The following FGF7 variants were observed in gnomAD, a reference collection of about 807,000 sequenced individuals.
FGF7 encodes the protein FGF-7.
FGF7 carries 6 observed loss-of-function variants against 20.5 expected under a neutral mutation model. That is an observed-to-expected ratio of 0.29 (90% confidence interval 0.16 to 0.58). The LOEUF (loss-of-function observed/expected upper bound fraction) is 0.58, where lower values mean the gene tolerates loss of function less well. Ranked by LOEUF, FGF7 falls within the 20% of genes least tolerant of loss-of-function variation. FGF7 has a pLI of 0.90. For synonymous variants in FGF7, 64 were observed against 74.7 expected, an observed-to-expected ratio of 0.86 and a Z score of 0.74; for missense variants, 144 against 228.8, an observed-to-expected ratio of 0.63 and a Z score of 2.39.
chr15:49,424,039 A>T lies in FGF7; in HGVS notation c.-259A>T. The T allele has an allele frequency of 2.8e-6, 1 of 358,756 alleles. No homozygotes were observed. The highest frequency in any genetic ancestry group is 5.0e-6 in the Non-Finnish European group (1 of 198,416). 22.2% of individuals were successfully genotyped at this position (358,756 alleles called of 1,614,324 possible). A position where few individuals can be genotyped will look rare whatever the true frequency, so the allele number is the denominator to read the frequency against. ...ATCTCTCATTGCAAACAGAAGTCAAATAGCAAACAGCGTCACAGCAACTGA... is the reference window on the plus strand; with the variant it reads ...ATCTCTCATTGCAAACAGAAGTCAATTAGCAAACAGCGTCACAGCAACTGA... On this transcript the variant is annotated 5_prime_UTR_variant, in exon 2 of 4. Transcript: ENST00000267843.
In FGF7 at chr15:49,438,611, G is replaced by A. The variant is rs369572981; in HGVS notation, c.286+14028G>A. 1.2e-4 allele frequency among the ~76,000 whole-genome samples: 18 copies of A among 151,802 alleles called. 1 individual carries two copies. In the South Asian group the frequency reaches 3.5e-3, roughly 30 times the overall value. The stretch of plus-strand genomic sequence containing the variant: ...ATTGAGTTGATAAGAAAGTGAGAGG[G>A]AGCACGAGGACAAGGAAATAATACT... On this transcript the variant is annotated intron_variant, in intron 2 of 3. Coordinates refer to ENST00000267843, the MANE Select transcript of FGF7 (RefSeq NM_002009.4).
At chr15:49,457,770 G>T (rs903641474) in intron 2 of FGF7, among the ~76,000 whole-genome samples, 5 of 151,868 alleles carry the variant, frequency 3.3e-5, no homozygotes, top group African/African-American at 9.6e-5. Flanking sequence ...AAAATTAAAA[G>T]AATTGATTAA....
chr15:49,457,606 T>C (rs1344640632), intron 2 of FGF7, among the ~76,000 whole-genome samples: 1 of 151,942 alleles, frequency 6.6e-6, no homozygotes, highest in African/African-American at 2.4e-5. Context: ...AAAACTTGAG[T>C]ACAGACTTGA....
chr15:49,452,581 A>T (rs2151892087), intron 2 of FGF7, among the ~76,000 whole-genome samples: 1 of 152,326 alleles, frequency 6.6e-6, no homozygotes, highest in Middle Eastern at 3.4e-3. Context: ...TATTTAACTT[A>T]AGCAACTAAA....
Position 49,423,728 on chromosome 15 carries a change from A to G in FGF7, c.-267+288A>G, listed in dbSNP as rs143770842. ...GAGAAAGCAGTTACACTTTGTTAGC[A>G]GTAATTGTAAAAACTTAATTTAAAT... On this transcript the variant is annotated intron_variant, in intron 1 of 3. Transcript: ENST00000267843. 6.0e-3 allele frequency among the ~76,000 whole-genome samples: 915 copies of G among 152,314 alleles called. 8 individuals are homozygous for G. Among genetic ancestry groups the G allele is most frequent in the Middle Eastern group, 0.031 (9 of 294 alleles).
intron 2 of FGF7, among the ~76,000 whole-genome samples, chr15:49,457,815 A>G (rs2053449250): frequency 6.6e-6 from 1 of 151,992 alleles, no homozygotes; most frequent in Non-Finnish European, 1.5e-5. Context: ...TTTTATAGTC[A>G]TCAGTTAAAT....
intron 2 of FGF7, among the ~76,000 whole-genome samples, chr15:49,462,110 C>A (rs1276525753): frequency 6.6e-6 from 1 of 151,756 alleles, no homozygotes; most frequent in Admixed American, 6.6e-5. Context: ...CAGAGTGAGA[C>A]TCCATCTCAA....
intron 2 of FGF7, among the ~76,000 whole-genome samples, chr15:49,453,886 A>G (rs900984495): frequency 6.6e-6 from 1 of 152,146 alleles, no homozygotes; most frequent in South Asian, 2.1e-4. Context: ...GATATTACTC[A>G]GTTGACCAAA....
chr15:49,427,000 A>G (rs888042792), intron 2 of FGF7, among the ~76,000 whole-genome samples: 1 of 152,024 alleles, frequency 6.6e-6, no homozygotes, highest in Non-Finnish European at 1.5e-5. Context: ...AAAGAGGATA[A>G]GCCACTCTTT....
chr15:49,471,100 AC>A lies in FGF7; in HGVS notation c.287-12050del, dbSNP rs570763876. ...CTACAGCTTATTAGAAAAGATAAGT[AC>A]TTTTAAAGGGAGTAGAAAAACTAAT... is the stretch of plus-strand genomic sequence containing the variant. On this transcript the variant is annotated intron_variant, in intron 2 of 3. Coordinates refer to ENST00000267843, the MANE Select transcript of FGF7 (RefSeq NM_002009.4). Among the ~76,000 whole-genome samples, 553 of 152,334 alleles carry A rather than the reference AC, an allele frequency of 3.6e-3. 3 individuals are homozygous for A. Among genetic ancestry groups the A allele is most frequent in the African/African-American group, 0.013 (530 of 41,580 alleles).
chr15:49,472,934 G>A (rs1442333773), intron 2 of FGF7, among the ~76,000 whole-genome samples: 1 of 152,102 alleles, frequency 6.6e-6, no homozygotes, highest in African/African-American at 2.4e-5. Context: ...ATATACTCAT[G>A]TATCAGTTAT....
intron 2 of FGF7, among the ~76,000 whole-genome samples, chr15:49,452,727 G>T (rs1362476808): frequency 2.0e-5 from 3 of 151,962 alleles, no homozygotes; most frequent in African/African-American, 7.3e-5. Flanking sequence ...TTCTTTATTG[G>T]GTGACTGAGA....
intron 2 of FGF7, among the ~76,000 whole-genome samples, chr15:49,462,370 C>T (rs565470791): frequency 7.2e-5 from 11 of 152,192 alleles, no homozygotes; most frequent in African/African-American, 2.2e-4. Context: ...TAGAAATTTT[C>T]GGATGATATT....
At chr15:49,438,008 G>A (rs144576015) in intron 2 of FGF7, among the ~76,000 whole-genome samples, 317 of 151,766 alleles carry the variant, frequency 2.1e-3, no homozygotes, top group South Asian at 6.6e-3. Context: ...GGGGAAGGGA[G>A]TCAGAAGAAA....
At chr15:49,451,035 T>G (rs1455062734) in intron 2 of FGF7, among the ~76,000 whole-genome samples, 3 of 151,650 alleles carry the variant, frequency 2.0e-5, no homozygotes, top group East Asian at 3.9e-4. Context: ...TAAAAACTGG[T>G]TTTTTTTTAA....
At chr15:49,482,544 G>A (rs942874567) in intron 2 of FGF7, among the ~76,000 whole-genome samples, 1 of 151,834 alleles carries the variant, frequency 6.6e-6, no homozygotes, top group Non-Finnish European at 1.5e-5. Context: ...TTCACTTTCA[G>A]TATATTCAAG....
At chr15:49,468,149 T>C (rs34492504) in intron 2 of FGF7, among the ~76,000 whole-genome samples, 16,271 of 152,154 alleles carry the variant, frequency 0.11, 1,235 homozygotes, top group East Asian at 0.36. Flanking sequence ...ATGACATAAT[T>C]ATTTTTGGTT....
At chr15:49,467,182 T>C (rs959392694) in intron 2 of FGF7, among the ~76,000 whole-genome samples, 2 of 152,172 alleles carry the variant, frequency 1.3e-5, no homozygotes, top group Non-Finnish European at 2.9e-5. Context: ...TAGTTTATCA[T>C]CTAAGCTGCT....
Position 49,424,347 on chromosome 15 carries a change from C to G in FGF7, c.50C>G (p.Ser17Ter). The G allele has an allele frequency of 6.2e-7, 1 of 1,613,454 alleles. No homozygotes were observed. Among genetic ancestry groups the G allele is most frequent in the Non-Finnish European group, 8.5e-7 (1 of 1,179,526 alleles). The change falls in exon 2 of 4, where the codon TCA (serine) becomes TGA (stop). Residue 17 changes from serine to a stop codon, truncating the protein, a stop_gained. Coordinates refer to ENST00000267843, the MANE Select transcript of FGF7 (RefSeq NM_002009.4). LOFTEE classifies it high-confidence loss of function. ...ATCCTGCCAACTTTGCTCTACAGATCATGCTTTCACATTATCTGTCTAGTG... is the reference window on the plus strand; with the variant it reads ...ATCCTGCCAACTTTGCTCTACAGATGATGCTTTCACATTATCTGTCTAGTG... ...TWILPTLLYR[S>*]CFHIICLVGT... is the part of the protein sequence containing the mutation.
Sources: allele counts gnomAD v4.1 joint callset (sites outside exome capture counted in the v4.1 genomes callset), GRCh38; gene constraint gnomAD v4.1.1; transcripts MANE v1.5; gene names NCBI Gene and HGNC (gene_info 2026-07-23, HGNC 2026-07-21).